ROR1: variants seen among roughly 807,000 people sequenced by gnomAD.
ROR1 encodes ROR family WNT receptor 1.
In ROR1, 19 loss-of-function variants were observed where a neutral mutation model predicts 78.8. That is an observed-to-expected ratio of 0.24 (90% CI 0.17 to 0.35). The LOEUF is 0.35. Ranked by LOEUF, ROR1 falls within the 10% of genes least tolerant of loss-of-function variation. The pLI is 1.00. For missense variants in ROR1, 917 were observed against 1,177.8 expected, an observed-to-expected ratio of 0.78 and a Z score of 3.24; for synonymous variants, 386 against 433.6, an observed-to-expected ratio of 0.89 and a Z score of 1.36.
chr1:64,068,468 A>G (rs2100614545), intron 4 of ROR1, among the ~76,000 whole-genome samples: 1 of 152,350 alleles, frequency 6.6e-6, no homozygotes, highest in African/African-American at 2.4e-5. Flanking sequence ...GGCAAAGAAT[A>G]TAAGATCATT....
At chr1:63,815,764 G>A (rs1421131769) in intron 1 of ROR1, among the ~76,000 whole-genome samples, 2 of 152,062 alleles carry the variant, frequency 1.3e-5, no homozygotes, top group African/African-American at 4.8e-5. Flanking sequence ...TTCTTGTTCA[G>A]GGGTGAGTAT....
At chr1:63,851,229 C>T (rs1160935001) in intron 1 of ROR1, among the ~76,000 whole-genome samples, 6 of 152,174 alleles carry the variant, frequency 3.9e-5, no homozygotes, top group Non-Finnish European at 7.3e-5. Flanking sequence ...CCGCTAGCCT[C>T]GGCCTCCTAA....
chr1:64,148,719 A>G (rs1028039683), intron 7 of ROR1, among the ~76,000 whole-genome samples: 1 of 152,168 alleles, frequency 6.6e-6, no homozygotes, highest in African/African-American at 2.4e-5. Flanking sequence ...ACAATCAAAT[A>G]TGGCTGTTGT....
At chr1:64,012,420 A>T (rs1157751398) in intron 2 of ROR1, among the ~76,000 whole-genome samples, 1 of 152,196 alleles carries the variant, frequency 6.6e-6, no homozygotes, top group Non-Finnish European at 1.5e-5. Context: ...TGCACAAGCC[A>T]CAAACCAAGA....
At chr1:63,956,934 A>T (rs1378923974) in intron 1 of ROR1, among the ~76,000 whole-genome samples, 1 of 152,190 alleles carries the variant, frequency 6.6e-6, no homozygotes, top group Non-Finnish European at 1.5e-5. Flanking sequence ...TATTTTATTA[A>T]TTAACTACTT....
Position 63,929,259 on chromosome 1 carries a change from A to C in ROR1, c.92-80046A>C, listed in dbSNP as rs989970132. 6.6e-5 allele frequency among the ~76,000 whole-genome samples: 10 copies of C among 152,184 alleles called. 1 individual carries two copies. Among genetic ancestry groups the C allele is most frequent in the Admixed American group, 5.9e-4 (9 of 15,272 alleles). On this transcript the variant is annotated intron_variant, in intron 1 of 8. Transcript: ENST00000371079. Reference sequence around the variant, plus strand: ...GGGATTGCTGGTGTGATAAGTCATGATTCCTGACCTTGGGGAATTTTGCAA... The same window carrying C: ...GGGATTGCTGGTGTGATAAGTCATGCTTCCTGACCTTGGGGAATTTTGCAA...
rs1644926480 is a variant in ROR1 at position 63,821,977 on chromosome 1, A to T, written c.91+47469A>T. On this transcript the variant is annotated intron_variant, in intron 1 of 8. Transcript: ENST00000371079. ...TCTACTTTGCACACTGGACAGCTTC[A>T]TGAAAAGCCATATTTGGTGCAGACA... Among the ~76,000 whole-genome samples the T allele has an allele frequency of 2.6e-5, 4 of 152,342 alleles. No individual in the cohort carries two copies. In the South Asian group the frequency reaches 8.3e-4, roughly 32 times the overall value.
intron 1 of ROR1, among the ~76,000 whole-genome samples, chr1:63,887,433 TTTG>T (rs1365364971): frequency 6.6e-6 from 1 of 152,180 alleles, no homozygotes; most frequent in Non-Finnish European, 1.5e-5. Context: ...GAATTATGTG[TTTG>T]GTTCCATCAG....
rs558647167 is a variant in ROR1 at position 63,811,921 on chromosome 1, A to G, written c.91+37413A>G. Among the ~76,000 whole-genome samples, 18 of 151,468 alleles carry G rather than the reference A, an allele frequency of 1.2e-4. No homozygotes were observed. The South Asian group carries it at 3.6e-3, about 30-fold the overall frequency. On this transcript the variant is annotated intron_variant, in intron 1 of 8. Transcript: ENST00000371079. ...TAGGTCCAGGTTGGGATCAAGTCCA[A>G]TAAGCTAAAGAAGGCTTTCGGGAAA...
intron 8 of ROR1, among the ~76,000 whole-genome samples, chr1:64,162,737 G>A (rs551146605): frequency 1.3e-5 from 2 of 152,326 alleles, no homozygotes; most frequent in African/African-American, 4.8e-5. Context: ...CCTAAACTAA[G>A]CAGGATTTTC....
chr1:63,843,250 T>G (rs1569804235), intron 1 of ROR1: 1 of 1,508,114 alleles, frequency 6.6e-7, no homozygotes, highest in Non-Finnish European at 9.2e-7. Context: ...TCTGCCAGGG[T>G]GCAGCGGTCC....
chr1:64,120,916 A>G lies in ROR1; in HGVS notation c.483-16453A>G, dbSNP rs571538411. Among the ~76,000 whole-genome samples the G allele has an allele frequency of 2.6e-5, 4 of 152,174 alleles. No individual in the cohort carries two copies. In the South Asian group the frequency reaches 8.3e-4, roughly 32 times the overall value. The stretch of plus-strand genomic sequence containing the variant: ...GGAGGCTCTCCATAGCTGGAAGGGT[A>G]TCTCTGTTCCCAGTGTTCACATTAA... On this transcript the variant is annotated intron_variant, in intron 4 of 8. Transcript: ENST00000371079.
chr1:64,132,760 C>CAAAAAAAA (rs749607703), intron 4 of ROR1, among the ~76,000 whole-genome samples: 2 of 70,454 alleles, frequency 2.8e-5, no homozygotes, highest in East Asian at 5.1e-4. Flanking sequence ...GACTCCATCT[C>CAAAAAAAA]AAAAAAAAAA....
At chr1:63,889,880 T>A (rs1388747917) in intron 1 of ROR1, among the ~76,000 whole-genome samples, 8 of 152,184 alleles carry the variant, frequency 5.3e-5, no homozygotes, top group African/African-American at 1.9e-4. Flanking sequence ...TCAATCTTAT[T>A]TAAAAATATT....
At chr1:63,933,643 A>G (rs1645771734) in intron 1 of ROR1, among the ~76,000 whole-genome samples, 1 of 152,220 alleles carries the variant, frequency 6.6e-6, no homozygotes, top group African/African-American at 2.4e-5. Context: ...TCTAATTGCA[A>G]CAATTCTGAA....
intron 7 of ROR1, among the ~76,000 whole-genome samples, chr1:64,157,278 C>T (rs764857006): frequency 1.6e-4 from 24 of 152,132 alleles, no homozygotes; most frequent in Non-Finnish European, 2.1e-4. Flanking sequence ...GCCAGGACTA[C>T]AGACATGCAC....
intron 1 of ROR1, among the ~76,000 whole-genome samples, chr1:63,973,260 T>C (rs1392226048): frequency 6.6e-6 from 1 of 152,164 alleles, no homozygotes; most frequent in Non-Finnish European, 1.5e-5. Flanking sequence ...TTTATTGCGA[T>C]GAATGAGGTT....
At chr1:63,996,808 C>T (rs1646340553) in intron 1 of ROR1, among the ~76,000 whole-genome samples, 1 of 152,028 alleles carries the variant, frequency 6.6e-6, no homozygotes, top group Admixed American at 6.6e-5. Context: ...ACCAGCAGTG[C>T]AGTAGAGAGC....
chr1:63,798,159 A>G (rs1569728297), intron 1 of ROR1, among the ~76,000 whole-genome samples: 2 of 152,132 alleles, frequency 1.3e-5, no homozygotes, highest in South Asian at 4.1e-4. Context: ...TACAATTGTT[A>G]CCAATCTAGA....
Sources: gnomAD v4.1 joint callset for allele counts (sites outside exome capture counted in the v4.1 genomes callset) on GRCh38, gnomAD v4.1.1 for gene constraint, MANE v1.5 for transcripts, NCBI Gene and HGNC (gene_info 2026-07-23, HGNC 2026-07-21) for gene names.